SERPINA5: variants seen among roughly 807,000 people sequenced by gnomAD.
SERPINA5 encodes the protein plasma serine protease inhibitor.
A neutral mutation model predicts 25.3 loss-of-function variants in SERPINA5; 25 were observed. The observed-to-expected ratio is 0.99, with a 90% CI of 0.72 to 1.38. SERPINA5 has a LOEUF of 1.38. Ranked by LOEUF, SERPINA5 falls within the 40% of genes most tolerant of loss-of-function variation. The probability of loss-of-function intolerance (pLI) is 0.00; values close to 1 mark genes in which losing one functional copy is unlikely to be tolerated. For synonymous variants in SERPINA5, 234 were observed against 206.2 expected (o/e 1.14, Z -1.16); for missense variants, 599 against 509.5 (o/e 1.18, Z -1.69).
chr14:94,590,787 G>A lies in SERPINA5; in HGVS notation c.929G>A (p.Gly310Asp). ...TACCTTCCCAAATTCTCCATTGAGGGCTCCTATCAGCTGGAGAAAGTCCTC... is the reference window on the plus strand; with the variant it reads ...TACCTTCCCAAATTCTCCATTGAGGACTCCTATCAGCTGGAGAAAGTCCTC... ...ELYLPKFSIE[G>D]SYQLEKVLPS... is the part of the protein sequence containing the mutation. Residue 310 changes from glycine to aspartate, a missense_variant, in exon 5 of 6, where the codon GGC (glycine) becomes GAC (aspartate). Physicochemically the swap from Gly to Asp is moderately conservative, Grantham distance 94. Transcript: ENST00000329597. The A allele has an allele frequency of 3.7e-6, 6 of 1,613,974 alleles. No individual in the cohort carries two copies. The highest frequency in any genetic ancestry group is 5.1e-6 in the Non-Finnish European group (6 of 1,179,942).
chr14:94,592,404 G>T lies in SERPINA5; in HGVS notation c.*165G>T. ...GATGATTGCTTCCACCCACACGACT[G>T]CAACATACAGGTGCCTTGGGGAAAT... On this transcript the variant is annotated 3_prime_UTR_variant, in exon 6 of 6. Transcript: ENST00000329597. 1.5e-6 allele frequency: 1 copy of T among 656,452 alleles called. No individual in the cohort carries two copies. Among genetic ancestry groups the T allele is most frequent in the East Asian group, 2.7e-5 (1 of 37,204 alleles). 40.7% of individuals were successfully genotyped at this position (656,452 alleles called of 1,614,324 possible). A position where few individuals can be genotyped will look rare whatever the true frequency, so the allele number is the denominator to read the frequency against.
chr14:94,586,658 A>G (rs1885095355), intron 2 of SERPINA5, among the ~76,000 whole-genome samples: 1 of 152,176 alleles, frequency 6.6e-6, no homozygotes, highest in African/African-American at 2.4e-5. Flanking sequence ...TTCAGCCAGA[A>G]CAGGAGGACG....
rs993236189 is a variant in SERPINA5 at position 94,592,994 on chromosome 14, T to C, written c.*755T>C. On this transcript the variant is annotated 3_prime_UTR_variant, in exon 6 of 6. Transcript: ENST00000329597. ...TTTTGTGGATATAGTTATAATCTGATGGGCCTGGCTGGGAGTGGAAGAAGG... is the reference window on the plus strand; with the variant it reads ...TTTTGTGGATATAGTTATAATCTGACGGGCCTGGCTGGGAGTGGAAGAAGG... The C allele has an allele frequency of 1.3e-5, 2 of 152,232 alleles. No homozygotes were observed. The highest frequency in any genetic ancestry group is 2.9e-5 in the Non-Finnish European group (2 of 68,042). The allele number at this position is 152,232 out of a possible 1,614,324, so 9.4% of individuals were successfully genotyped here. A position where few individuals can be genotyped will look rare whatever the true frequency, so the allele number is the denominator to read the frequency against.
chr14:94,587,784 T>C lies in SERPINA5; in HGVS notation c.422T>C (p.Leu141Pro), dbSNP rs1179629596. The C allele has an allele frequency of 5.6e-6, 9 of 1,614,094 alleles. No individual in the cohort carries two copies. Among genetic ancestry groups the C allele is most frequent in the Non-Finnish European group, 7.6e-6 (9 of 1,180,050 alleles). Residue 141 changes from leucine (L) to proline (P), a missense_variant, in exon 3 of 6, where the codon CTG (leucine) becomes CCG (proline). By Grantham distance (98) the Leu-to-Pro change is moderately conservative. Coordinates refer to ENST00000329597, the MANE Select transcript of SERPINA5 (RefSeq NM_000624.6). Reference protein sequence around the residue: ...NALFTDLVVDLQDTFVSAMKT... With the variant: ...NALFTDLVVDPQDTFVSAMKT... ...CTTTTCACCGACCTGGTGGTAGACCTGCAGGACACCTTCGTAAGTGCCATG... is the reference window on the plus strand; with the variant it reads ...CTTTTCACCGACCTGGTGGTAGACCCGCAGGACACCTTCGTAAGTGCCATG...
In SERPINA5 at chr14:94,587,377, C is replaced by T. The variant is rs1231389126; in HGVS notation, c.15C>T (p.Leu5=). The T allele has an allele frequency of 6.2e-7, 1 of 1,609,292 alleles. No homozygotes were observed. Among genetic ancestry groups the T allele is most frequent in the Non-Finnish European group, 8.5e-7 (1 of 1,178,234 alleles). The change falls in exon 3 of 6, where the codon CTC becomes CTT. Residue 5 remains leucine, a synonymous_variant. Coordinates refer to ENST00000329597, the MANE Select transcript of SERPINA5 (RefSeq NM_000624.6). Reference sequence around the variant, plus strand: ...GAACAGCCACCATGCAGCTCTTCCTCCTCTTGTGCCTGGTGCTTCTCAGCC... The same window carrying T: ...GAACAGCCACCATGCAGCTCTTCCTTCTCTTGTGCCTGGTGCTTCTCAGCC... MQLF[L]LLCLVLLSPQ...
intron 2 of SERPINA5, 133 bp from the exon 3 acceptor site, chr14:94,587,213 G>C: frequency 2.5e-6 from 2 of 794,128 alleles, no homozygotes; most frequent in Non-Finnish European, 2.0e-6. Context: ...GCCCAGTCTT[G>C]CGGGTGCCAT....
intron 2 of SERPINA5, among the ~76,000 whole-genome samples, chr14:94,585,844 C>G (rs545546973): frequency 1.4e-4 from 21 of 151,550 alleles, no homozygotes; most frequent in Non-Finnish European, 2.5e-4. Flanking sequence ...ATATGGAGGC[C>G]TCAGATGGGG....
At chr14:94,585,153 C>A (rs1885034533) in intron 2 of SERPINA5, among the ~76,000 whole-genome samples, 1 of 152,168 alleles carries the variant, frequency 6.6e-6, no homozygotes, top group South Asian at 2.1e-4. Flanking sequence ...CAAGCTTTGC[C>A]AGTGTTAGCA....
At chr14:94,582,629 CT>C (rs11352365) in intron 2 of SERPINA5, among the ~76,000 whole-genome samples, 17,522 of 152,216 alleles carry the variant, frequency 0.12, 1,118 homozygotes, top group African/African-American at 0.12. Flanking sequence ...TCTAATGTCT[CT>C]GAATTACAGA....
chr14:94,590,901 G>T lies in SERPINA5; in HGVS notation c.1038+5G>T. 6.2e-7 allele frequency: 1 copy of T among 1,606,366 alleles called. No individual in the cohort carries two copies. The highest frequency in any genetic ancestry group is 8.5e-7 in the Non-Finnish European group (1 of 1,175,170). ...TCAAATATCCAGGTGTCTGAGGTGG[G>T]TTCAGAAGCTCCTATGCATCTGCTT... On this transcript the variant is annotated splice_donor_5th_base_variant and intron_variant, in intron 5 of 5. Transcript: ENST00000329597.
chr14:94,586,740 G>A (rs138000183), intron 2 of SERPINA5: 3 of 152,436 alleles, frequency 2.0e-5, no homozygotes, highest in East Asian at 3.9e-4. Flanking sequence ...TGTGGGACAA[G>A]GGTGGCATGG....
intron 3 of SERPINA5, among the ~76,000 whole-genome samples, chr14:94,589,582 A>G (rs1471642329): frequency 6.6e-6 from 1 of 152,250 alleles, no homozygotes; most frequent in African/African-American, 2.4e-5. Context: ...AGACTTCCCA[A>G]TGGGAAAAAC....
intron 5 of SERPINA5, 41 bp downstream of exon 5, chr14:94,590,937 ATTCTGTT>A (rs758926338): frequency 2.7e-4 from 423 of 1,554,462 alleles, no homozygotes; most frequent in Non-Finnish European, 3.2e-4. Flanking sequence ...CCCAAGGTCT[ATTCTGTT>A]CTATTCTTTC....
At chr14:94,585,763 A>ATGTG (rs1885056238) in intron 2 of SERPINA5, among the ~76,000 whole-genome samples, 1 of 100,140 alleles carries the variant, frequency 1.0e-5, no homozygotes, top group African/African-American at 4.7e-5. Context: ...TCAGGCTCAC[A>ATGTG]CGTGTGTGTG....
At chr14:94,590,674 T>C (rs1885248374) in intron 4 of SERPINA5, 75 bp from the exon 5 acceptor site, 4 of 1,486,910 alleles carry the variant, frequency 2.7e-6, no homozygotes, top group South Asian at 1.3e-5. Context: ...ATCCAGTGCA[T>C]TATGAATCCA....
Position 94,581,510 on chromosome 14 carries a change from A to C in SERPINA5, c.-114+20A>C, listed in dbSNP as rs8019810. The C allele has an allele frequency of 0.29, 44,787 of 152,008 alleles. 6,823 individuals carry two copies. The highest frequency in any genetic ancestry group is 0.34 in the South Asian group (1,649 of 4,810). The allele number at this position is 152,008 out of a possible 1,614,324, so 9.4% of individuals were successfully genotyped here. A position where few individuals can be genotyped will look rare whatever the true frequency, so the allele number is the denominator to read the frequency against. On this transcript the variant is annotated intron_variant, in intron 1 of 5. Transcript: ENST00000329597. ...GACACAGTAAGTACCGATGCCGCAA[A>C]GGGAGGTCCCCAGGGCTTGAGGGCA...
At chr14:94,590,917 G>A (rs775088108) in intron 5 of SERPINA5, 21 bp downstream of exon 5, 7 of 1,598,022 alleles carry the variant, frequency 4.4e-6, no homozygotes, top group Admixed American at 1.7e-5. Context: ...AAGCTCCTAT[G>A]CATCTGCTTC....
At chr14:94,584,377 G>A (rs2139923042) in intron 2 of SERPINA5, among the ~76,000 whole-genome samples, 1 of 152,212 alleles carries the variant, frequency 6.6e-6, no homozygotes, top group South Asian at 2.1e-4. Flanking sequence ...AATAATTAGT[G>A]GTTTTACTGA....
intron 4 of SERPINA5, 98 bp downstream of exon 4, chr14:94,590,409 A>C (rs1595081441): frequency 4.2e-6 from 6 of 1,428,664 alleles, no homozygotes; most frequent in African/African-American, 1.4e-5. Context: ...GGAAGGACTC[A>C]CCCAGCCAAG....
Sources: gnomAD v4.1 joint callset for allele counts (sites outside exome capture counted in the v4.1 genomes callset) on GRCh38, gnomAD v4.1.1 for gene constraint, MANE v1.5 for transcripts, NCBI Gene and HGNC (gene_info 2026-07-23, HGNC 2026-07-21) for gene names.